UBXN2A: variants seen among roughly 807,000 people sequenced by gnomAD.
The protein encoded by UBXN2A is UBX domain protein 2A, also known as UBX domain-containing protein 2A.
In UBXN2A, 28 loss-of-function variants were observed where a neutral mutation model predicts 28.4. The ratio of observed to expected loss-of-function variants is 0.99; its 90% CI spans 0.73 to 1.35. The LOEUF (loss-of-function observed/expected upper bound fraction) is 1.35. UBXN2A is among the 40% of genes most tolerant of loss of function. UBXN2A has a pLI of 0.00. For synonymous variants in UBXN2A, 97 were observed against 103.6 expected (o/e 0.94, Z 0.39); for missense variants, 253 against 297.9 (o/e 0.85, Z 1.11).
intron 1 of UBXN2A, among the ~76,000 whole-genome samples, chr2:23,956,869 G>C (rs1706653850): frequency 6.6e-6 from 1 of 152,136 alleles, no homozygotes; most frequent in Admixed American, 6.6e-5. Flanking sequence ...CAGACCAGTG[G>C]TTTGGACTAC....
chr2:23,948,254 C>CTTTTTTTTT (rs60805838), intron 1 of UBXN2A, among the ~76,000 whole-genome samples: 1 of 129,186 alleles, frequency 7.7e-6, no homozygotes, highest in Non-Finnish European at 1.7e-5. Flanking sequence ...TTTTCTTTTT[C>CTTTTTTTTT]TTTTTTTTTT....
In UBXN2A at chr2:24,000,332, A is replaced by G. The variant is rs114494076; in HGVS notation, c.*465A>G. On this transcript the variant is annotated 3_prime_UTR_variant, in exon 7 of 7. Coordinates refer to ENST00000309033, the MANE Select transcript of UBXN2A (RefSeq NM_181713.4). ...GCCGAGACAGGCAGATCACGAGGTC[A>G]ACAGATTGAGACCATCCTGGCAAAC... 0.039 allele frequency: 6,037 copies of G among 153,544 alleles called. 117 individuals carry two copies. Among genetic ancestry groups the G allele is most frequent in the Admixed American group, 0.046 (707 of 15,422 alleles). The allele number at this position is 153,544 out of a possible 1,614,324, so 9.5% of individuals were successfully genotyped here. A position where few individuals can be genotyped will look rare whatever the true frequency, so the allele number is the denominator to read the frequency against.
At chr2:23,998,221 A>G (rs1181814699) in intron 6 of UBXN2A, among the ~76,000 whole-genome samples, 1 of 152,198 alleles carries the variant, frequency 6.6e-6, no homozygotes, top group Non-Finnish European at 1.5e-5. Flanking sequence ...TCATTGATAC[A>G]TGAGCTTTTT....
intron 3 of UBXN2A, among the ~76,000 whole-genome samples, chr2:23,975,978 A>C (rs1707645635): frequency 1.3e-5 from 2 of 152,170 alleles, no homozygotes; most frequent in Admixed American, 6.6e-5. Context: ...TTCTACTGAC[A>C]TGAGCTTTCT....
At chr2:23,997,530 C>T (rs1708586618) in intron 6 of UBXN2A, among the ~76,000 whole-genome samples, 1 of 152,052 alleles carries the variant, frequency 6.6e-6, no homozygotes, top group Admixed American at 6.6e-5. Flanking sequence ...CGGCTCACTG[C>T]AACCTCTGCC....
At chr2:23,953,070 T>G (rs2150822629) in intron 1 of UBXN2A, among the ~76,000 whole-genome samples, 1 of 152,248 alleles carries the variant, frequency 6.6e-6, no homozygotes, top group Non-Finnish European at 1.5e-5. Flanking sequence ...AGCTTCAAAT[T>G]TATGATTTGG....
rs1270592341 is a variant in UBXN2A, at chr2:24,003,653, AATT to A, written c.*3790_*3792del. ...AACAGGTACATAATAGAAAATAAAT[AATT>A]ATTGTTGGTAATGTTTACACAGCAG... On this transcript the variant is annotated 3_prime_UTR_variant, in exon 7 of 7. Transcript: ENST00000309033. The A allele has an allele frequency of 1.3e-4, 19 of 151,886 alleles. No homozygotes were observed. Among genetic ancestry groups the A allele is most frequent in the Admixed American group, 8.5e-4 (13 of 15,226 alleles). The allele number at this position is 151,886 out of a possible 1,614,324, so 9.4% of individuals were successfully genotyped here.
chr2:23,990,389 C>G (rs1393296248), intron 6 of UBXN2A, among the ~76,000 whole-genome samples: 1 of 151,742 alleles, frequency 6.6e-6, no homozygotes, highest in East Asian at 1.9e-4. Flanking sequence ...TGGGCAATAG[C>G]TGACTGATTC....
intron 6 of UBXN2A, among the ~76,000 whole-genome samples, chr2:23,989,963 T>A (rs1291562465): frequency 6.6e-6 from 1 of 152,142 alleles, no homozygotes; most frequent in Non-Finnish European, 1.5e-5. Flanking sequence ...GTAACTAACT[T>A]CTACAGTGCA....
intron 1 of UBXN2A, among the ~76,000 whole-genome samples, chr2:23,950,486 C>T (rs976421749): frequency 6.6e-5 from 10 of 152,164 alleles, no homozygotes; most frequent in Middle Eastern, 3.4e-3. Flanking sequence ...TCACTGCGAC[C>T]TCCGACTCCT....
At chr2:23,987,160 A>G (rs1708164704) in intron 6 of UBXN2A, among the ~76,000 whole-genome samples, 1 of 151,908 alleles carries the variant, frequency 6.6e-6, no homozygotes, top group African/African-American at 2.4e-5. Context: ...TAGCATATGT[A>G]ATTTTTCTTT....
intron 1 of UBXN2A, among the ~76,000 whole-genome samples, chr2:23,948,519 C>T (rs186799359): frequency 1.3e-3 from 196 of 152,236 alleles, no homozygotes; most frequent in African/African-American, 4.5e-3. Context: ...TCCCAAAGTG[C>T]TGGGATTACA....
At chr2:23,961,411 A>G (rs931335961) in intron 2 of UBXN2A, among the ~76,000 whole-genome samples, 4 of 151,982 alleles carry the variant, frequency 2.6e-5, no homozygotes, top group Admixed American at 1.3e-4. Flanking sequence ...TTTGAATTTT[A>G]AGTAAAATAT....
At chr2:23,946,061 G>T (rs1222861382) in intron 1 of UBXN2A, among the ~76,000 whole-genome samples, 1 of 152,066 alleles carries the variant, frequency 6.6e-6, no homozygotes, top group Non-Finnish European at 1.5e-5. Context: ...CAAACTCCTG[G>T]CCTCAAGTGA....
chr2:23,944,030 G>A (rs1373752570), intron 1 of UBXN2A: 1 of 555,628 alleles, frequency 1.8e-6, no homozygotes, highest in African/African-American at 1.9e-5. Context: ...TCTAGAGTTG[G>A]TGTCTTCCTA....
At chr2:23,929,428 A>G (rs373426036) in intron 1 of UBXN2A, among the ~76,000 whole-genome samples, 2 of 150,812 alleles carry the variant, frequency 1.3e-5, no homozygotes, top group East Asian at 2.0e-4. Flanking sequence ...AAAAAAAAAA[A>G]GGGTAGGGTG....
intron 1 of UBXN2A, among the ~76,000 whole-genome samples, chr2:23,955,020 C>T (rs1027003224): frequency 6.6e-6 from 1 of 151,226 alleles, no homozygotes; most frequent in African/African-American, 2.4e-5. Context: ...GCAACCTCCA[C>T]CTCCCGGGTT....
rs533069556 is a variant in UBXN2A at position 23,947,661 on chromosome 2, T to A, written c.-15+7013T>A. Among the ~76,000 whole-genome samples, 24 of 152,292 alleles carry A rather than the reference T, an allele frequency of 1.6e-4. 2 individuals carry two copies. Among genetic ancestry groups the A allele is most frequent in the African/African-American group, 5.8e-4 (24 of 41,556 alleles). On this transcript the variant is annotated intron_variant, in intron 1 of 6. Transcript: ENST00000309033. ...ATGGTGACTTTGTGGTGTCTCCATG[T>A]TAAAATTAATTTTTACATCATAATT...
chr2:23,958,357 T>C lies in UBXN2A; in HGVS notation c.41+2T>C, dbSNP rs753463289. On this transcript the variant is annotated splice_donor_variant, in intron 2 of 6. Transcript: ENST00000309033. LOFTEE classifies it high-confidence loss of function. The stretch of plus-strand genomic sequence containing the variant: ...CCTCAAAAGTATAAAAGAAGAATGG[T>C]AAGTTAATTCAAACTGAATTGCTTT... 1 of 1,604,580 alleles carries C rather than the reference T, an allele frequency of 6.2e-7. No individual in the cohort carries two copies. The highest frequency in any genetic ancestry group is 1.1e-5 in the South Asian group (1 of 88,396).
Sources: gnomAD v4.1 joint callset for allele counts (sites outside exome capture counted in the v4.1 genomes callset) on GRCh38, gnomAD v4.1.1 for gene constraint, MANE v1.5 for transcripts, NCBI Gene and HGNC (gene_info 2026-07-23, HGNC 2026-07-21) for gene names.